The following GHR variants were observed in gnomAD, a reference collection of about 807,000 sequenced individuals.
GHR encodes the protein GH receptor.
Under a neutral mutation model 67.1 loss-of-function variants are expected in GHR, and 35 were observed. The ratio of observed to expected loss-of-function variants is 0.52; its 90% CI spans 0.40 to 0.69. The LOEUF (loss-of-function observed/expected upper bound fraction) is 0.69, where lower values mean the gene tolerates loss of function less well. Ranked by LOEUF, GHR falls within the 30% of genes least tolerant of loss-of-function variation. The pLI, the probability that GHR is intolerant of heterozygous loss-of-function variation, is 0.00. For synonymous variants in GHR, 272 were observed against 269.1 expected, an observed-to-expected ratio of 1.01 and a Z score of -0.10; for missense variants, 792 against 764.6, an observed-to-expected ratio of 1.04 and a Z score of -0.42.
At chr5:42,664,850 C>T (rs566317495) in intron 3 of GHR, among the ~76,000 whole-genome samples, 19 of 152,214 alleles carry the variant, frequency 1.2e-4, no homozygotes, top group African/African-American at 4.6e-4. Context: ...ACTCATCTGA[C>T]AAAGGGATAA....
At chr5:42,694,840 T>C in intron 4 of GHR, 77 bp from the exon 5 acceptor site, 1 of 1,062,790 alleles carries the variant, frequency 9.4e-7, no homozygotes, top group East Asian at 2.4e-5. Context: ...TGAATCAGAC[T>C]ATCAAGCACC....
At chr5:42,658,329 T>C (rs374122904) in intron 3 of GHR, among the ~76,000 whole-genome samples, 1 of 152,208 alleles carries the variant, frequency 6.6e-6, no homozygotes, top group East Asian at 1.9e-4. Flanking sequence ...TTGCTACTTA[T>C]TACCTTTGTG....
chr5:42,465,665 C>T (rs1239037879), intron 1 of GHR: 8 of 862,846 alleles, frequency 9.3e-6, no homozygotes, highest in African/African-American at 3.3e-5. Flanking sequence ...GCTACCTCCA[C>T]GTTACAGGTC....
intron 1 of GHR, among the ~76,000 whole-genome samples, chr5:42,452,724 T>A (rs1300065893): frequency 6.6e-6 from 1 of 152,192 alleles, no homozygotes; most frequent in Non-Finnish European, 1.5e-5. Flanking sequence ...CCTAAGTGTA[T>A]CTTTCATTTC....
At chr5:42,579,743 CA>C (rs1167139199) in intron 2 of GHR, among the ~76,000 whole-genome samples, 3 of 152,170 alleles carry the variant, frequency 2.0e-5, no homozygotes, top group Non-Finnish European at 4.4e-5. Flanking sequence ...ATGATAACTG[CA>C]AAGCCAGCTG....
chr5:42,703,184 T>C (rs962402839), intron 6 of GHR, among the ~76,000 whole-genome samples: 2 of 152,044 alleles, frequency 1.3e-5, no homozygotes, highest in Admixed American at 6.6e-5. Context: ...AGTTGTACAG[T>C]TTCAGGTTTT....
chr5:42,452,928 T>C (rs1744111785), intron 1 of GHR, among the ~76,000 whole-genome samples: 1 of 152,204 alleles, frequency 6.6e-6, no homozygotes, highest in Non-Finnish European at 1.5e-5. Context: ...GGATCCATTG[T>C]TGTGGAACTA....
chr5:42,620,698 G>T (rs1162318908), intron 2 of GHR, among the ~76,000 whole-genome samples: 1 of 152,158 alleles, frequency 6.6e-6, no homozygotes, highest in Non-Finnish European at 1.5e-5. Flanking sequence ...CACTGTTGTT[G>T]ATTTAAAGTT....
At chr5:42,683,892 G>A (rs946235719) in intron 3 of GHR, among the ~76,000 whole-genome samples, 4 of 151,876 alleles carry the variant, frequency 2.6e-5, no homozygotes, top group Non-Finnish European at 4.4e-5. Flanking sequence ...GAGTTAAAAG[G>A]AAACAATAAA....
chr5:42,659,866 G>T (rs1580143550), intron 3 of GHR, among the ~76,000 whole-genome samples: 1 of 152,136 alleles, frequency 6.6e-6, no homozygotes, highest in East Asian at 1.9e-4. Flanking sequence ...AAAGAAAGGG[G>T]TGACAGATGG....
At chr5:42,615,027 C>A (rs779659731) in intron 2 of GHR, among the ~76,000 whole-genome samples, 11 of 152,044 alleles carry the variant, frequency 7.2e-5, no homozygotes, top group Non-Finnish European at 1.5e-4. Context: ...AATTGAATAT[C>A]CCACTAACTT....
Position 42,647,661 on chromosome 5 carries a change from A to T in GHR, c.136+18558A>T, listed in dbSNP as rs750299197. On this transcript the variant is annotated intron_variant, in intron 3 of 9. Transcript: ENST00000230882. ...TTTCATTTACTTCTAGGAGTCTTAC[A>T]TGCAAGCCTAATGCAGAGTAGAGAA... is the stretch of plus-strand genomic sequence containing the variant. The T allele has an allele frequency of 1.1e-5, 5 of 453,390 alleles. 1 individual carries two copies. The highest frequency in any genetic ancestry group is 2.0e-5 in the African/African-American group (1 of 49,834). The allele number at this position is 453,390 out of a possible 1,614,324, so 28.1% of individuals were successfully genotyped here.
intron 5 of GHR, among the ~76,000 whole-genome samples, chr5:42,695,336 G>C (rs1321863773): frequency 3.3e-5 from 5 of 152,212 alleles, no homozygotes; most frequent in Admixed American, 3.3e-4. Context: ...GAACCTTGTG[G>C]AGTCTTTTCC....
At chr5:42,565,674 T>TCAA in intron 1 of GHR, 190 bp from the exon 2 acceptor site, 3 of 985,342 alleles carry the variant, frequency 3.0e-6, no homozygotes, top group Non-Finnish European at 3.6e-6. Context: ...TAGAATTTAT[T>TCAA]ACAACCTGCT....
rs576794217 is a variant in GHR, at chr5:42,582,756, G to A, written c.70+16812G>A. On this transcript the variant is annotated intron_variant, in intron 2 of 9. Coordinates refer to ENST00000230882, the MANE Select transcript of GHR (RefSeq NM_000163.5). ...GGTTTCTGTCATCTCCATGCTCCCA[G>A]GCGTCACCACATTCCCCTCGTCCAG... Among the ~76,000 whole-genome samples, 12 of 152,328 alleles carry A rather than the reference G, an allele frequency of 7.9e-5. No individual in the cohort carries two copies. In the East Asian group the frequency reaches 2.3e-3, roughly 29 times the overall value.
chr5:42,544,945 G>A (rs1042575505), intron 1 of GHR, among the ~76,000 whole-genome samples: 2 of 152,088 alleles, frequency 1.3e-5, no homozygotes, highest in Non-Finnish European at 1.5e-5. Flanking sequence ...AGTTGGAGGG[G>A]TACTATGTTT....
intron 3 of GHR, 41 bp from the exon 4 acceptor site, chr5:42,688,847 ACT>A (rs769767046): frequency 6.3e-7 from 1 of 1,596,028 alleles, no homozygotes; most frequent in Non-Finnish European, 8.6e-7. Flanking sequence ...ATCACATATG[ACT>A]CACCTGATTT....
chr5:42,655,584 T>C (rs1414753651), intron 3 of GHR, among the ~76,000 whole-genome samples: 1 of 152,160 alleles, frequency 6.6e-6, no homozygotes, highest in Non-Finnish European at 1.5e-5. Flanking sequence ...GTAAAGTAAT[T>C]TTTGAACACA....
chr5:42,460,089 G>A (rs1744424531), intron 1 of GHR, among the ~76,000 whole-genome samples: 1 of 152,172 alleles, frequency 6.6e-6, no homozygotes, highest in Non-Finnish European at 1.5e-5. Context: ...GCTCTTACAA[G>A]AAGAGGAACA....
Sources: gnomAD v4.1 joint callset for allele counts (sites outside exome capture counted in the v4.1 genomes callset) on GRCh38, gnomAD v4.1.1 for gene constraint, MANE v1.5 for transcripts, NCBI Gene and HGNC (gene_info 2026-07-23, HGNC 2026-07-21) for gene names.